The following PTPRD variants were observed in gnomAD, a reference collection of about 807,000 sequenced individuals.
The protein encoded by PTPRD is receptor-type tyrosine-protein phosphatase delta.
In PTPRD, 34 loss-of-function variants were observed where a neutral mutation model predicts 214.5. The observed-to-expected ratio is 0.16, with a 90% confidence interval of 0.12 to 0.21. PTPRD has a LOEUF of 0.21. Ranked by LOEUF, PTPRD falls within the 10% of genes least tolerant of loss-of-function variation. PTPRD has a pLI of 1.00. For synonymous variants in PTPRD, 1,128 were observed against 845.7 expected (o/e 1.33, Z -5.79); for missense variants, 2,545 against 2,398.7 (o/e 1.06, Z -1.27).
In PTPRD at chr9:8,431,009, T is replaced by C. The variant is rs144830233; in HGVS notation, c.4086+5583A>G. Among the ~76,000 whole-genome samples the C allele has an allele frequency of 1.2e-3, 178 of 152,282 alleles. 1 individual carries two copies. The highest frequency in any genetic ancestry group is 4.0e-3 in the African/African-American group (168 of 41,562). On this transcript the variant is annotated intron_variant, in intron 35 of 45. Transcript: ENST00000381196. ...TTTTCTCAGCACTGAGCACAATGCT[T>C]TTCTGTAGTACTGTAGTGGATAATT...
chr9:9,938,440 A>G (rs1168429392), intron 5 of PTPRD, 67 bp downstream of exon 5: 1 of 152,160 alleles, frequency 6.6e-6, no homozygotes, highest in African/African-American at 2.4e-5. Flanking sequence ...AATTCTGTAG[A>G]TAGAAGTCCA....
At chr9:10,268,769 G>A (rs966782582) in intron 3 of PTPRD, among the ~76,000 whole-genome samples, 15 of 152,252 alleles carry the variant, frequency 9.9e-5, no homozygotes, top group African/African-American at 3.4e-4. Context: ...AACGGCTACC[G>A]TCTGTTTTAT....
At chr9:8,450,505 G>A (rs1186774148) in intron 33 of PTPRD, among the ~76,000 whole-genome samples, 2 of 152,170 alleles carry the variant, frequency 1.3e-5, no homozygotes, top group South Asian at 4.1e-4. Context: ...GTTAATGAAA[G>A]GTTCACAGAA....
rs2137000426 is a variant in PTPRD, at chr9:8,501,077, T to A, written c.1823-18A>T. On this transcript the variant is annotated intron_variant, in intron 23 of 45. Coordinates refer to ENST00000381196, the MANE Select transcript of PTPRD (RefSeq NM_002839.4). ...TGACGGCTCTTATTTTGGTAGTGAG[T>A]TAAAGGAGGATTTAAGTGAAAGGAC... 2 of 1,595,610 alleles carry A rather than the reference T, an allele frequency of 1.3e-6. No homozygotes were observed. Among genetic ancestry groups the A allele is most frequent in the Non-Finnish European group, 1.7e-6 (2 of 1,167,614 alleles).
At position 10,319,822 on chromosome 9, in the gene PTPRD, T is replaced by C. The variant is rs888442560; in HGVS notation, c.-545+21141A>G. Among the ~76,000 whole-genome samples the C allele has an allele frequency of 2.0e-5, 3 of 152,124 alleles. No homozygotes were observed. The East Asian group carries it at 5.8e-4, about 30-fold the overall frequency. The stretch of plus-strand genomic sequence containing the variant: ...TATGTACAAAAACTCTGTTACAACA[T>C]AGGATGTCAGGCTAGGGGTTTAGCT... On this transcript the variant is annotated intron_variant, in intron 3 of 45. Coordinates refer to ENST00000381196, the MANE Select transcript of PTPRD (RefSeq NM_002839.4).
intron 14 of PTPRD, among the ~76,000 whole-genome samples, chr9:8,611,798 A>C (rs952552246): frequency 3.4e-5 from 4 of 118,592 alleles, no homozygotes; most frequent in African/African-American, 1.3e-4. Context: ...GGGAGAGAAA[A>C]GAAAAAAGAG....
In PTPRD at chr9:10,288,429, T is replaced by C. The variant is rs144380322; in HGVS notation, c.-545+52534A>G. ...GATGATAAACATCAGTTTATTAACT[T>C]AATGACCCAAGTAAAGAAACAATAC... On this transcript the variant is annotated intron_variant, in intron 3 of 45. Transcript: ENST00000381196. Among the ~76,000 whole-genome samples the C allele has an allele frequency of 2.5e-4, 38 of 152,310 alleles. 1 individual carries two copies. In the East Asian group the frequency reaches 6.9e-3, roughly 28 times the overall value.
chr9:9,635,008 G>C (rs549775241), intron 7 of PTPRD, among the ~76,000 whole-genome samples: 2 of 152,236 alleles, frequency 1.3e-5, no homozygotes, highest in Non-Finnish European at 2.9e-5. Context: ...GGATGGATTA[G>C]ATGTTCAACA....
chr9:8,521,312 C>A lies in PTPRD; in HGVS notation c.926G>T (p.Gly309Val). ...GATCTGTGCTATTGCTTCAATGACA[C>A]CCAGTGTTGACATAGCAACACAGGT... is the stretch of plus-strand genomic sequence containing the variant. ...NYTCVAMSTL[G>V]VIEAIAQITV... The change falls in exon 20 of 46, where the codon GGT becomes GTT. Residue 309 changes from glycine (G) to valine (V), a missense_variant. Physicochemically the swap from Gly to Val is moderately radical, Grantham distance 109 (BLOSUM62 -3). Coordinates refer to ENST00000381196, the MANE Select transcript of PTPRD (RefSeq NM_002839.4). 1 of 1,613,792 alleles carries A rather than the reference C, an allele frequency of 6.2e-7. No homozygotes were observed. Among genetic ancestry groups the A allele is most frequent in the Non-Finnish European group, 8.5e-7 (1 of 1,179,832 alleles).
intron 9 of PTPRD, among the ~76,000 whole-genome samples, chr9:9,383,606 T>A (rs1174192309): frequency 6.6e-6 from 1 of 152,204 alleles, no homozygotes; most frequent in Admixed American, 6.5e-5. Flanking sequence ...GAAAAAATTG[T>A]GATTCATATA....
At chr9:8,769,735 T>C (rs1169147730) in intron 11 of PTPRD, among the ~76,000 whole-genome samples, 3 of 152,082 alleles carry the variant, frequency 2.0e-5, no homozygotes, top group African/African-American at 7.2e-5. Flanking sequence ...AAAAACTTTA[T>C]TGTTTTATAT....
intron 12 of PTPRD, among the ~76,000 whole-genome samples, chr9:8,684,904 C>T (rs1380573809): frequency 1.3e-5 from 2 of 152,104 alleles, no homozygotes; most frequent in African/African-American, 2.4e-5. Flanking sequence ...AAACAATATT[C>T]ACAAACTTCA....
intron 5 of PTPRD, among the ~76,000 whole-genome samples, chr9:9,805,840 A>C (rs2153523622): frequency 6.6e-6 from 1 of 152,332 alleles, no homozygotes; most frequent in East Asian, 1.9e-4. Context: ...TGAGTGAGAA[A>C]TAGAGCTTAG....
intron 20 of PTPRD, among the ~76,000 whole-genome samples, chr9:8,519,157 C>T (rs903599506): frequency 1.5e-4 from 23 of 152,010 alleles, no homozygotes; most frequent in Admixed American, 1.2e-3. Flanking sequence ...TTAAAAATTG[C>T]TGAAGGAAGT....
chr9:8,373,831 T>G (rs1032888910), intron 39 of PTPRD, among the ~76,000 whole-genome samples: 1 of 85,276 alleles, frequency 1.2e-5, no homozygotes, highest in Non-Finnish European at 2.0e-5. Flanking sequence ...TATGTATGTA[T>G]GTATGTATGT....
At chr9:8,491,659 A>T (rs76376485) in intron 27 of PTPRD, among the ~76,000 whole-genome samples, 92 of 88,030 alleles carry the variant, frequency 1.0e-3, no homozygotes, top group Middle Eastern at 5.2e-3. Context: ...AATGGTATTT[A>T]AAAAAAAAAA....
chr9:9,019,878 T>C (rs1361162176), intron 10 of PTPRD, among the ~76,000 whole-genome samples: 1 of 152,194 alleles, frequency 6.6e-6, no homozygotes, highest in African/African-American at 2.4e-5. Flanking sequence ...ATTGAACTTG[T>C]TCACTTTTTT....
chr9:8,763,196 G>A (rs1035227645), intron 11 of PTPRD, among the ~76,000 whole-genome samples: 3 of 152,140 alleles, frequency 2.0e-5, no homozygotes, highest in Admixed American at 2.0e-4. Context: ...AGACAGTAGA[G>A]CAGACTATAA....
At chr9:10,174,806 C>A (rs1412910373) in intron 3 of PTPRD, among the ~76,000 whole-genome samples, 2 of 151,900 alleles carry the variant, frequency 1.3e-5, no homozygotes, top group Non-Finnish European at 2.9e-5. Context: ...AAAAAAGTAA[C>A]CCCATAGTAA....
Sources: allele counts gnomAD v4.1 joint callset (sites outside exome capture counted in the v4.1 genomes callset), GRCh38; gene constraint gnomAD v4.1.1; transcripts MANE v1.5; gene names NCBI Gene and HGNC (gene_info 2026-07-23, HGNC 2026-07-21).